The following PLXDC2 variants were observed in gnomAD, a reference collection of about 807,000 sequenced individuals.
The protein encoded by PLXDC2 is plexin domain-containing protein 2.
In PLXDC2, 40 loss-of-function variants were observed where a neutral mutation model predicts 68.9. That is an observed-to-expected ratio of 0.58 (90% confidence interval 0.45 to 0.76). PLXDC2 has a LOEUF of 0.76. Among genes scored for constraint, PLXDC2 ranks in the 30% least tolerant of loss-of-function variants. The pLI, the probability that PLXDC2 is intolerant of heterozygous loss-of-function variation, is 0.00. For missense variants in PLXDC2, 644 were observed against 661.9 expected (o/e 0.97, Z 0.30); for synonymous variants, 243 against 234.2 (o/e 1.04, Z -0.34).
intron 1 of PLXDC2, among the ~76,000 whole-genome samples, chr10:19,890,988 T>C (rs112964969): frequency 2.0e-5 from 3 of 152,080 alleles, no homozygotes; most frequent in African/African-American, 7.2e-5. Flanking sequence ...GATTCCATCA[T>C]TTCTGACTTT....
At chr10:19,950,767 T>C (rs1833978680) in intron 1 of PLXDC2, among the ~76,000 whole-genome samples, 1 of 152,090 alleles carries the variant, frequency 6.6e-6, no homozygotes. Flanking sequence ...ACGGCTACAG[T>C]AAACAAAACA....
At chr10:19,907,664 A>T (rs2131371735) in intron 1 of PLXDC2, among the ~76,000 whole-genome samples, 1 of 152,352 alleles carries the variant, frequency 6.6e-6, no homozygotes, top group Admixed American at 6.5e-5. Context: ...TTTTTAGTAG[A>T]AAATGCTTCA....
intron 1 of PLXDC2, among the ~76,000 whole-genome samples, chr10:19,959,745 A>G (rs985759105): frequency 7.2e-5 from 11 of 152,276 alleles, no homozygotes; most frequent in African/African-American, 1.7e-4. Context: ...AATGTAAAAC[A>G]TCCAGGAACC....
intron 1 of PLXDC2, among the ~76,000 whole-genome samples, chr10:19,882,304 G>A (rs1040491148): frequency 1.3e-5 from 2 of 152,126 alleles, no homozygotes; most frequent in African/African-American, 4.8e-5. Flanking sequence ...TTATTCTAGA[G>A]CAGCAACGTT....
At chr10:19,936,358 T>C (rs1833723497) in intron 1 of PLXDC2, among the ~76,000 whole-genome samples, 1 of 152,186 alleles carries the variant, frequency 6.6e-6, no homozygotes, top group Non-Finnish European at 1.5e-5. Flanking sequence ...AAGAGACAGA[T>C]GGTAAATATT....
At chr10:20,208,337 A>G (rs1835020666) in intron 9 of PLXDC2, among the ~76,000 whole-genome samples, 1 of 152,138 alleles carries the variant, frequency 6.6e-6, no homozygotes, top group African/African-American at 2.4e-5. Context: ...AAAGAATGAG[A>G]GCCAGGCAAA....
chr10:20,209,933 T>A (rs971397308), intron 9 of PLXDC2, among the ~76,000 whole-genome samples: 6 of 152,116 alleles, frequency 3.9e-5, no homozygotes, highest in Admixed American at 3.9e-4. Context: ...ATTATAAAAG[T>A]ATTAATTTGG....
chr10:19,976,346 T>G (rs1181164532), intron 1 of PLXDC2, among the ~76,000 whole-genome samples: 1 of 152,098 alleles, frequency 6.6e-6, no homozygotes, highest in African/African-American at 2.4e-5. Flanking sequence ...CCCGAGTAGC[T>G]GGAATTACAG....
intron 4 of PLXDC2, among the ~76,000 whole-genome samples, chr10:20,069,529 C>T (rs927140400): frequency 6.6e-6 from 1 of 152,124 alleles, no homozygotes; most frequent in East Asian, 1.9e-4. Context: ...GTGGGGTGCT[C>T]CTGTAGTCCC....
intron 1 of PLXDC2, among the ~76,000 whole-genome samples, chr10:19,972,853 T>C (rs555566416): frequency 6.6e-6 from 1 of 152,310 alleles, no homozygotes; most frequent in African/African-American, 2.4e-5. Flanking sequence ...TAGGGTGCTT[T>C]TTACTGCACT....
At chr10:19,854,203 A>G (rs1390331398) in intron 1 of PLXDC2, among the ~76,000 whole-genome samples, 1 of 152,196 alleles carries the variant, frequency 6.6e-6, no homozygotes, top group Non-Finnish European at 1.5e-5. Flanking sequence ...CCTGGGAGGC[A>G]AGTGGCCTGA....
At chr10:20,161,004 T>C (rs1346606781) in intron 6 of PLXDC2, among the ~76,000 whole-genome samples, 1 of 152,110 alleles carries the variant, frequency 6.6e-6, no homozygotes, top group African/African-American at 2.4e-5. Context: ...AATAGATACT[T>C]ATCTGATTCC....
At chr10:19,938,350 T>G (rs1351505804) in intron 1 of PLXDC2, among the ~76,000 whole-genome samples, 1 of 152,158 alleles carries the variant, frequency 6.6e-6, no homozygotes, top group African/African-American at 2.4e-5. Flanking sequence ...GACTGGCTAA[T>G]TTATAAAGAA....
At chr10:20,218,724 A>AAGGT (rs1835172632) in intron 11 of PLXDC2, among the ~76,000 whole-genome samples, 1 of 152,138 alleles carries the variant, frequency 6.6e-6, no homozygotes, top group Admixed American at 6.5e-5. Flanking sequence ...ATGAATAAAT[A>AAGGT]AGGTCATAAC....
intron 12 of PLXDC2, among the ~76,000 whole-genome samples, chr10:20,244,891 G>C (rs965958972): frequency 6.6e-6 from 1 of 152,130 alleles, no homozygotes; most frequent in Non-Finnish European, 1.5e-5. Context: ...TGAGGCAGGC[G>C]GATCACCTGA....
At chr10:20,064,757 C>T (rs190666075) in intron 3 of PLXDC2, among the ~76,000 whole-genome samples, 2 of 152,162 alleles carry the variant, frequency 1.3e-5, no homozygotes, top group Non-Finnish European at 2.9e-5. Context: ...CTCCAGATGT[C>T]TCTCACTCAC....
intron 4 of PLXDC2, among the ~76,000 whole-genome samples, chr10:20,100,524 T>A (rs1833409089): frequency 6.6e-6 from 1 of 152,170 alleles, no homozygotes; most frequent in Admixed American, 6.5e-5. Context: ...TTTGTGTAAT[T>A]CAGAAGACAC....
chr10:19,968,434 T>G, intron 1 of PLXDC2, among the ~76,000 whole-genome samples: 1 of 152,142 alleles, frequency 6.6e-6, no homozygotes, highest in East Asian at 1.9e-4. Flanking sequence ...AGCCTCAGCC[T>G]CCTGAGTCGC....
chr10:19,911,709 G>C (rs779092349), intron 1 of PLXDC2, among the ~76,000 whole-genome samples: 66 of 152,238 alleles, frequency 4.3e-4, no homozygotes, highest in African/African-American at 1.4e-3. Flanking sequence ...GTAGAACCCA[G>C]TACTCTTGTC....
Sources: allele counts gnomAD v4.1 joint callset (sites outside exome capture counted in the v4.1 genomes callset), GRCh38; gene constraint gnomAD v4.1.1; transcripts MANE v1.5; gene names NCBI Gene and HGNC (gene_info 2026-07-23, HGNC 2026-07-21).